NDST4: variants seen among roughly 807,000 people sequenced by gnomAD.
NDST4 encodes the protein N-deacetylase and N-sulfotransferase 4.
In NDST4, 63 loss-of-function variants were observed where a neutral mutation model predicts 100.8. The observed-to-expected ratio is 0.62, with a 90% confidence interval of 0.51 to 0.77. The LOEUF is 0.77. Ranked by LOEUF, NDST4 falls within the 30% of genes least tolerant of loss-of-function variation. The pLI is 0.00. For synonymous variants in NDST4, 377 were observed against 361.8 expected (o/e 1.04, Z -0.48); for missense variants, 943 against 1,018.4 (o/e 0.93, Z 1.01).
chr4:114,964,016 A>G (rs1245230487), intron 4 of NDST4, among the ~76,000 whole-genome samples: 1 of 152,138 alleles, frequency 6.6e-6, no homozygotes, highest in Non-Finnish European at 1.5e-5. Context: ...TGAAGAGTAT[A>G]TGGTATAAGT....
At chr4:114,895,528 G>C (rs1724695698) in intron 6 of NDST4, among the ~76,000 whole-genome samples, 2 of 152,036 alleles carry the variant, frequency 1.3e-5, no homozygotes, top group Non-Finnish European at 2.9e-5. Context: ...CAGGACCAGA[G>C]GGATTCACAG....
At chr4:114,875,573 G>A (rs1229649736) in intron 6 of NDST4, among the ~76,000 whole-genome samples, 1 of 152,062 alleles carries the variant, frequency 6.6e-6, no homozygotes, top group Non-Finnish European at 1.5e-5. Flanking sequence ...CTTAACTGTG[G>A]GTAAACACAC....
chr4:114,902,583 G>A (rs1257470914), intron 6 of NDST4, among the ~76,000 whole-genome samples: 1 of 151,882 alleles, frequency 6.6e-6, no homozygotes, highest in East Asian at 1.9e-4. Context: ...ATTCTCTGAG[G>A]TTCCTGGATC....
intron 1 of NDST4, among the ~76,000 whole-genome samples, chr4:115,106,527 C>T (rs1361699734): frequency 4.6e-5 from 7 of 152,004 alleles, no homozygotes; most frequent in Non-Finnish European, 8.8e-5. Context: ...CTCCTGTATA[C>T]TCTAGCTCAA....
In NDST4 at chr4:114,866,652, G is replaced by A. The variant is rs550117764; in HGVS notation, c.1719+4116C>T. ...ACCAAACAAAGTCTCATTCTTTAAG[G>A]TTTGCAGGAATCAGTATATGACAAG... On this transcript the variant is annotated intron_variant, in intron 7 of 13. Coordinates refer to ENST00000264363, the MANE Select transcript of NDST4 (RefSeq NM_022569.3). Among the ~76,000 whole-genome samples the A allele has an allele frequency of 5.3e-5, 8 of 152,150 alleles. 1 individual carries two copies. In the East Asian group the frequency reaches 1.5e-3, roughly 29 times the overall value.
At chr4:114,952,907 A>C (rs1726049655) in intron 4 of NDST4, among the ~76,000 whole-genome samples, 1 of 152,138 alleles carries the variant, frequency 6.6e-6, no homozygotes, top group Non-Finnish European at 1.5e-5. Context: ...TAAGTTTTTC[A>C]ACAATTACTC....
At chr4:114,879,602 G>T (rs1724324200) in intron 6 of NDST4, among the ~76,000 whole-genome samples, 1 of 152,056 alleles carries the variant, frequency 6.6e-6, no homozygotes, top group Non-Finnish European at 1.5e-5. Flanking sequence ...TTGAATACAG[G>T]GACTCTGGTG....
At chr4:114,860,121 T>C (rs891489984) in intron 7 of NDST4, among the ~76,000 whole-genome samples, 1 of 152,210 alleles carries the variant, frequency 6.6e-6, no homozygotes. Flanking sequence ...TCCTGGATTT[T>C]TCTACAAATT....
intron 6 of NDST4, among the ~76,000 whole-genome samples, chr4:114,902,121 TTAAC>T (rs1724854417): frequency 1.3e-5 from 2 of 152,078 alleles, no homozygotes; most frequent in South Asian, 4.1e-4. Context: ...ATGTGTTAGA[TTAAC>T]TAAGAATTGA....
rs767604429 is a variant in NDST4 at position 114,953,242 on chromosome 4, A to C, written c.1222-15739T>G. ...TCAATATCACTTTAGAAATAAGCCT[A>C]AGAACCTTTCTCCATTTGATTTCGA... On this transcript the variant is annotated intron_variant, in intron 4 of 13. Transcript: ENST00000264363. 1.4e-4 allele frequency among the ~76,000 whole-genome samples: 22 copies of C among 152,078 alleles called. 1 individual carries two copies. Among genetic ancestry groups the C allele is most frequent in the Admixed American group, 6.6e-4 (10 of 15,230 alleles).
chr4:114,961,013 G>A (rs1434352137), intron 4 of NDST4, among the ~76,000 whole-genome samples: 1 of 152,094 alleles, frequency 6.6e-6, no homozygotes, highest in Non-Finnish European at 1.5e-5. Flanking sequence ...ATAGAGTTAT[G>A]TAAATATAAT....
chr4:114,943,338 T>C (rs1725792745), intron 4 of NDST4, among the ~76,000 whole-genome samples: 1 of 151,864 alleles, frequency 6.6e-6, no homozygotes, highest in Non-Finnish European at 1.5e-5. Context: ...ATTTTAAAAG[T>C]AATAACTTAA....
intron 6 of NDST4, among the ~76,000 whole-genome samples, chr4:114,932,021 G>A (rs962374607): frequency 6.6e-6 from 1 of 151,768 alleles, no homozygotes; most frequent in African/African-American, 2.4e-5. Context: ...TGATATCAAA[G>A]CCAGTTAAGG....
intron 6 of NDST4, among the ~76,000 whole-genome samples, chr4:114,918,049 G>A (rs1473624155): frequency 6.6e-6 from 1 of 152,046 alleles, no homozygotes; most frequent in East Asian, 1.9e-4. Flanking sequence ...TGCTCTCATA[G>A]TCCAGTTTTA....
intron 6 of NDST4, among the ~76,000 whole-genome samples, chr4:114,885,383 A>T (rs775312233): frequency 2.0e-5 from 3 of 152,124 alleles, no homozygotes; most frequent in Non-Finnish European, 4.4e-5. Context: ...CTCCTAGAAC[A>T]TTTGGACATG....
At chr4:114,979,125 T>C (rs1027122728) in intron 2 of NDST4, among the ~76,000 whole-genome samples, 1 of 151,936 alleles carries the variant, frequency 6.6e-6, no homozygotes, top group African/African-American at 2.4e-5. Context: ...TTCCCAGTGC[T>C]ATTTCTCTCT....
intron 12 of NDST4, 25 bp from the exon 13 acceptor site, chr4:114,829,917 T>C: frequency 6.5e-7 from 1 of 1,542,716 alleles, no homozygotes; most frequent in Middle Eastern, 1.7e-4. Flanking sequence ...ACATAATGAT[T>C]ACAAATTGTA....
chr4:115,089,802 G>A (rs1328299703), intron 1 of NDST4, among the ~76,000 whole-genome samples: 1 of 150,644 alleles, frequency 6.6e-6, no homozygotes, highest in Non-Finnish European at 1.5e-5. Flanking sequence ...CAAGCCTAAA[G>A]TTTTGAAAAT....
rs779680529 is a variant in NDST4 at position 114,999,018 on chromosome 4, G to A, written c.979-21744C>T. ...AGAAAGTAAACTTCATGAAGATGAG[G>A]TCAAGGTCTATTTTGTTTGCTGTTA... On this transcript the variant is annotated intron_variant, in intron 2 of 13. Coordinates refer to ENST00000264363, the MANE Select transcript of NDST4 (RefSeq NM_022569.3). Among the ~76,000 whole-genome samples the A allele has an allele frequency of 3.9e-5, 6 of 152,052 alleles. No individual in the cohort carries two copies. In the South Asian group the frequency reaches 8.3e-4, roughly 21 times the overall value.
Sources: allele counts gnomAD v4.1 joint callset (sites outside exome capture counted in the v4.1 genomes callset), GRCh38; gene constraint gnomAD v4.1.1; transcripts MANE v1.5; gene names NCBI Gene and HGNC (gene_info 2026-07-23, HGNC 2026-07-21).